The following CCDC148 variants were observed in gnomAD, a reference collection of about 807,000 sequenced individuals.
CCDC148 encodes coiled-coil domain-containing protein 148.
Under a neutral mutation model 85.7 loss-of-function variants are expected in CCDC148, and 89 were observed. The ratio of observed to expected loss-of-function variants is 1.04; its 90% confidence interval spans 0.87 to 1.24. The LOEUF (loss-of-function observed/expected upper bound fraction) is 1.24, where lower values mean the gene tolerates loss of function less well. CCDC148 is among the 50% of genes most tolerant of loss of function. The pLI, the probability that CCDC148 is intolerant of heterozygous loss-of-function variation, is 0.00. For missense variants in CCDC148, 692 were observed against 671.7 expected (o/e 1.03, Z -0.33); for synonymous variants, 230 against 213.9 (o/e 1.08, Z -0.66).
chr2:158,302,686 A>C (rs533416577), intron 9 of CCDC148, among the ~76,000 whole-genome samples: 1 of 152,010 alleles, frequency 6.6e-6, no homozygotes, highest in South Asian at 2.1e-4. Flanking sequence ...CAGGAGGCTG[A>C]GGCAGGAGAA....
intron 1 of CCDC148, among the ~76,000 whole-genome samples, chr2:158,378,949 T>C (rs1684763886): frequency 6.6e-6 from 1 of 152,168 alleles, no homozygotes; most frequent in Non-Finnish European, 1.5e-5. Context: ...TAACATAACA[T>C]TTATTCTGCA....
At chr2:158,351,776 CACAG>C (rs1683312340) in intron 2 of CCDC148, among the ~76,000 whole-genome samples, 1 of 152,064 alleles carries the variant, frequency 6.6e-6, no homozygotes, top group Non-Finnish European at 1.5e-5. Context: ...GGGGGCAGAG[CACAG>C]ACAAACAAAA....
At chr2:158,191,351 C>T (rs546358277) in intron 11 of CCDC148, among the ~76,000 whole-genome samples, 14 of 152,034 alleles carry the variant, frequency 9.2e-5, no homozygotes, top group Non-Finnish European at 1.8e-4. Flanking sequence ...GTGATTCAGC[C>T]GCCCACAGCA....
intron 1 of CCDC148, among the ~76,000 whole-genome samples, chr2:158,423,783 T>C (rs1400923976): frequency 6.6e-6 from 1 of 152,136 alleles, no homozygotes; most frequent in Non-Finnish European, 1.5e-5. Context: ...ACAGGCAACC[T>C]ACAGAATGGG....
chr2:158,313,668 A>G, intron 8 of CCDC148, 88 bp downstream of exon 8: 1 of 1,268,500 alleles, frequency 7.9e-7, no homozygotes, highest in South Asian at 1.8e-5. Context: ...TTTTTAAAGA[A>G]CCATTGAAAA....
chr2:158,284,113 C>T (rs1690492599), intron 9 of CCDC148, among the ~76,000 whole-genome samples: 1 of 115,806 alleles, frequency 8.6e-6, no homozygotes. Flanking sequence ...ACATCACACT[C>T]TGGGGACTGT....
intron 2 of CCDC148, among the ~76,000 whole-genome samples, chr2:158,351,467 G>GGGTGACAGAC (rs4028064): frequency 9.3e-5 from 14 of 150,266 alleles, no homozygotes; most frequent in East Asian, 2.0e-4. Flanking sequence ...TCAAAGAAAG[G>GGGTGACAGAC]GGCACCTGGA....
At chr2:158,293,874 G>A (rs371992443) in intron 9 of CCDC148, among the ~76,000 whole-genome samples, 20 of 151,176 alleles carry the variant, frequency 1.3e-4, no homozygotes, top group African/African-American at 4.9e-4. Flanking sequence ...CTTGCAGCCA[G>A]GCATGGCAAG....
chr2:158,374,525 GCT>G (rs1337414396), intron 1 of CCDC148, among the ~76,000 whole-genome samples: 1 of 151,716 alleles, frequency 6.6e-6, no homozygotes, highest in Non-Finnish European at 1.5e-5. Context: ...TTGTGCGTGC[GCT>G]CTCTCTCGAG....
At chr2:158,349,135 A>G (rs1402336750) in intron 2 of CCDC148, among the ~76,000 whole-genome samples, 8 of 152,088 alleles carry the variant, frequency 5.3e-5, no homozygotes, top group Admixed American at 6.6e-5. Flanking sequence ...TGTTAATAAT[A>G]TCAGTAGTAC....
rs530619034 is a variant in CCDC148, at chr2:158,368,476, C to A, written c.26-9906G>T. On this transcript the variant is annotated intron_variant, in intron 1 of 13. Transcript: ENST00000283233. ...AATACTTTTGGCTGCATAACTGCTA[C>A]TTGAACAGAATTTTTTATGTTAAAT... Among the ~76,000 whole-genome samples the A allele has an allele frequency of 2.0e-5, 3 of 152,172 alleles. No individual in the cohort carries two copies. In the East Asian group the frequency reaches 5.8e-4, roughly 29 times the overall value.
At chr2:158,448,531 A>G (rs1178330646) in intron 1 of CCDC148, among the ~76,000 whole-genome samples, 1 of 151,804 alleles carries the variant, frequency 6.6e-6, no homozygotes, top group Non-Finnish European at 1.5e-5. Flanking sequence ...TTTGGTAGAG[A>G]TAGGGTTTTG....
chr2:158,277,354 G>C (rs1690000196), intron 9 of CCDC148, among the ~76,000 whole-genome samples: 1 of 152,130 alleles, frequency 6.6e-6, no homozygotes, highest in South Asian at 2.1e-4. Flanking sequence ...GACCATTCCT[G>C]ATACTTACCA....
Position 158,324,003 on chromosome 2 carries a change from GC to G in CCDC148, c.765-10110del, listed in dbSNP as rs1334756965. Among the ~76,000 whole-genome samples the G allele has an allele frequency of 5.5e-5, 7 of 126,560 alleles. No individual in the cohort carries two copies. In the South Asian group the frequency reaches 7.4e-4, roughly 13 times the overall value. 83.0% of individuals were successfully genotyped at this position (126,560 alleles called of 152,430 possible). ...GAGTGCCGTGGTGTGATCTCAGCTT[GC>G]CTCCCAGGCTCAAGCGATTCTTCTG... On this transcript the variant is annotated intron_variant, in intron 7 of 13. Transcript: ENST00000283233.
intron 1 of CCDC148, among the ~76,000 whole-genome samples, chr2:158,435,906 C>G (rs2105337256): frequency 6.6e-6 from 1 of 152,308 alleles, no homozygotes; most frequent in East Asian, 1.9e-4. Context: ...GTAAAGGGAT[C>G]AATTCAACAA....
intron 9 of CCDC148, among the ~76,000 whole-genome samples, chr2:158,296,453 A>T (rs796977536): frequency 1.6e-4 from 24 of 152,170 alleles, no homozygotes; most frequent in African/African-American, 5.8e-4. Context: ...ATGGCTATGT[A>T]TTTATTTTTA....
intron 8 of CCDC148, among the ~76,000 whole-genome samples, chr2:158,311,339 C>T (rs540602344): frequency 1.1e-4 from 16 of 152,336 alleles, no homozygotes; most frequent in South Asian, 2.1e-4. Context: ...GGCGTGGCGG[C>T]GCGAGCCTGC....
chr2:158,385,791 T>C (rs1685061421), intron 1 of CCDC148, among the ~76,000 whole-genome samples: 1 of 152,154 alleles, frequency 6.6e-6, no homozygotes, highest in African/African-American at 2.4e-5. Flanking sequence ...CTTCCTGGAA[T>C]GTGAGGTGGC....
At chr2:158,434,596 C>T (rs568497321) in intron 1 of CCDC148, among the ~76,000 whole-genome samples, 4 of 152,158 alleles carry the variant, frequency 2.6e-5, no homozygotes, top group Non-Finnish European at 5.9e-5. Context: ...TCCTCACCAG[C>T]AACAGAACAA....
Sources: gnomAD v4.1 joint callset for allele counts (sites outside exome capture counted in the v4.1 genomes callset) on GRCh38, gnomAD v4.1.1 for gene constraint, MANE v1.5 for transcripts, NCBI Gene and HGNC (gene_info 2026-07-23, HGNC 2026-07-21) for gene names.